SEPTIN2: variants seen among roughly 807,000 people sequenced by gnomAD.
The protein encoded by SEPTIN2 is septin 2, also known as septin-2.
SEPTIN2 carries 34 observed loss-of-function variants against 46.5 expected under a neutral mutation model. The ratio of observed to expected loss-of-function variants is 0.73; its 90% CI spans 0.56 to 0.97. The LOEUF (loss-of-function observed/expected upper bound fraction) is 0.97. Among genes scored for constraint, SEPTIN2 ranks in the 50% least tolerant of loss-of-function variants. The probability of loss-of-function intolerance (pLI) is 0.00; values close to 1 mark genes in which losing one functional copy is unlikely to be tolerated. For missense variants in SEPTIN2, 347 were observed against 448.4 expected (o/e 0.77, Z 2.04); for synonymous variants, 175 against 153.4 (o/e 1.14, Z -1.04).
intron 1 of SEPTIN2, among the ~76,000 whole-genome samples, chr2:241,321,381 T>C (rs2149839107): frequency 6.6e-6 from 1 of 152,352 alleles, no homozygotes; most frequent in South Asian, 2.1e-4. Context: ...TTGTTTCTTT[T>C]ATCATTATAG....
chr2:241,317,051 C>G (rs1300954257), intron 1 of SEPTIN2: 1 of 152,578 alleles, frequency 6.6e-6, no homozygotes, highest in Non-Finnish European at 1.5e-5. Flanking sequence ...TTCTCAAATA[C>G]TTTTTGAATC....
intron 9 of SEPTIN2, 100 bp downstream of exon 9, chr2:241,343,997 G>A: frequency 7.3e-7 from 1 of 1,373,876 alleles, no homozygotes; most frequent in Non-Finnish European, 1.0e-6. Flanking sequence ...GCAGCCAGCA[G>A]CTTCATTGCC....
chr2:241,346,991 T>A (rs1381160425), intron 10 of SEPTIN2, among the ~76,000 whole-genome samples: 1 of 152,216 alleles, frequency 6.6e-6, no homozygotes, highest in African/African-American at 2.4e-5. Flanking sequence ...ACCATTCTAA[T>A]ATGTTTTTAT....
intron 7 of SEPTIN2, among the ~76,000 whole-genome samples, chr2:241,338,831 T>TATATATTATATTTATATTATATATA (rs1264517417): frequency 4.5e-4 from 45 of 99,316 alleles, no homozygotes; most frequent in African/African-American, 2.1e-3. Flanking sequence ...TTATATATAA[T>TATATATTATATTTATATTATATATA]ATATATAATA....
Position 241,323,160 on chromosome 2 carries a change from C to T in SEPTIN2, c.-17-1056C>T, listed in dbSNP as rs557049426. Among the ~76,000 whole-genome samples, 500 of 151,528 alleles carry T rather than the reference C, an allele frequency of 3.3e-3. 1 individual carries two copies. Among genetic ancestry groups the T allele is most frequent in the African/African-American group, 9.9e-3 (407 of 41,278 alleles). ...GGATTACAGGCGTCAGCCACTGCAC[C>T]CAGCCACCATCTAATTTTTTTTTTT... On this transcript the variant is annotated intron_variant, in intron 1 of 12. Transcript: ENST00000391971.
intron 3 of SEPTIN2, among the ~76,000 whole-genome samples, chr2:241,328,866 C>CA (rs146533974): frequency 0.022 from 3,383 of 151,446 alleles, 49 homozygotes; most frequent in Non-Finnish European, 0.04. Context: ...AGTAAAAATA[C>CA]AAAATTAGCC....
intron 2 of SEPTIN2, among the ~76,000 whole-genome samples, chr2:241,325,764 T>C (rs1253794852): frequency 6.6e-6 from 1 of 152,216 alleles, no homozygotes; most frequent in Non-Finnish European, 1.5e-5. Context: ...ATGTTAATTT[T>C]CAGTCGCATA....
chr2:241,325,935 A>T lies in SEPTIN2; in HGVS notation c.10-58A>T. 2.0e-6 allele frequency: 3 copies of T among 1,514,828 alleles called. No homozygotes were observed. In the South Asian group the frequency reaches 3.7e-5, roughly 19 times the overall value. 93.8% of individuals were successfully genotyped at this position (1,514,828 alleles called of 1,614,324 possible). A position where few individuals can be genotyped will look rare whatever the true frequency, so the allele number is the denominator to read the frequency against. ...GTTTGTTTCATGTCTAACTGATTAT[A>T]TCTTAAAAGCAACTACTAAGGTGTT... On this transcript the variant is annotated intron_variant, in intron 2 of 12. Coordinates refer to ENST00000391971, the MANE Select transcript of SEPTIN2 (RefSeq NM_004404.5).
At chr2:241,340,026 T>G (rs1216348707) in intron 7 of SEPTIN2, among the ~76,000 whole-genome samples, 1 of 152,236 alleles carries the variant, frequency 6.6e-6, no homozygotes, top group African/African-American at 2.4e-5. Context: ...TTTTCACAAT[T>G]GTGTGAGCCA....
chr2:241,332,591 TC>T (rs1350371846), intron 3 of SEPTIN2, among the ~76,000 whole-genome samples: 4 of 152,232 alleles, frequency 2.6e-5, no homozygotes, highest in African/African-American at 9.6e-5. Context: ...GTTTGGTACT[TC>T]CTTAACAGTT....
rs1398358380 is a variant in SEPTIN2, at chr2:241,352,570, A to C, written c.*633A>C. 6.6e-6 allele frequency: 1 copy of C among 152,626 alleles called. No homozygotes were observed. Among genetic ancestry groups the C allele is most frequent in the African/African-American group, 2.4e-5 (1 of 41,458 alleles). 9.5% of individuals were successfully genotyped at this position (152,626 alleles called of 1,614,324 possible). On this transcript the variant is annotated 3_prime_UTR_variant, in exon 13 of 13. Coordinates refer to ENST00000391971, the MANE Select transcript of SEPTIN2 (RefSeq NM_004404.5). Reference sequence around the variant, plus strand: ...GAATTTCCTAATGAGATATATCTTTATACTTAAACAGCTTTTTTAGAGGTG... The same window carrying C: ...GAATTTCCTAATGAGATATATCTTTCTACTTAAACAGCTTTTTTAGAGGTG...
intron 1 of SEPTIN2, among the ~76,000 whole-genome samples, chr2:241,318,937 A>G (rs2149813347): frequency 6.6e-6 from 1 of 152,150 alleles, no homozygotes; most frequent in South Asian, 2.1e-4. Flanking sequence ...ACCTCGTGAT[A>G]TGCCCGTCTT....
chr2:241,324,371 A>T, intron 2 of SEPTIN2, 130 bp downstream of exon 2: 1 of 745,612 alleles, frequency 1.3e-6, no homozygotes, highest in Non-Finnish European at 2.2e-6. Context: ...TAACACAAAG[A>T]GTTCTAATTT....
At chr2:241,317,535 A>ATTTT (rs750805176) in intron 1 of SEPTIN2, 1 of 950,584 alleles carries the variant, frequency 1.1e-6, no homozygotes, top group South Asian at 4.9e-5. Flanking sequence ...AGTTGTGGGT[A>ATTTT]TTTTTTTTTT....
intron 11 of SEPTIN2, among the ~76,000 whole-genome samples, chr2:241,348,597 T>TA (rs1434377451): frequency 6.6e-6 from 1 of 152,180 alleles, no homozygotes; most frequent in Non-Finnish European, 1.5e-5. Flanking sequence ...GTAATTAACT[T>TA]AAAGTTTATA....
intron 1 of SEPTIN2, 100 bp from the exon 2 acceptor site, chr2:241,324,116 A>G (rs1012349065): frequency 9.4e-7 from 1 of 1,065,806 alleles, no homozygotes. Flanking sequence ...ATGTATGTGT[A>G]AGTCTTCTTC....
intron 3 of SEPTIN2, 42 bp from the exon 4 acceptor site, chr2:241,335,084 A>G (rs1488130076): frequency 7.2e-7 from 1 of 1,385,024 alleles, no homozygotes; most frequent in Non-Finnish European, 1.0e-6. Flanking sequence ...GAATGGTGTC[A>G]TATGAATAAG....
rs1266686217 is a variant in SEPTIN2, at chr2:241,352,527, A to G, written c.*590A>G. 1 of 152,666 alleles carries G rather than the reference A, an allele frequency of 6.6e-6. No individual in the cohort carries two copies. The highest frequency in any genetic ancestry group is 1.5e-5 in the Non-Finnish European group (1 of 68,046). 9.5% of individuals were successfully genotyped at this position (152,666 alleles called of 1,614,324 possible). On this transcript the variant is annotated 3_prime_UTR_variant, in exon 13 of 13. Coordinates refer to ENST00000391971, the MANE Select transcript of SEPTIN2 (RefSeq NM_004404.5). The stretch of plus-strand genomic sequence containing the variant: ...GATTCGTCTGCGATTTTATCTGTTA[A>G]CCAAATAAAACATAATAGAATTTCC...
chr2:241,323,510 G>A (rs949480028), intron 1 of SEPTIN2, among the ~76,000 whole-genome samples: 1 of 151,920 alleles, frequency 6.6e-6, no homozygotes, highest in Non-Finnish European at 1.5e-5. Flanking sequence ...TGCCTACCTC[G>A]GCCTCCCAAA....
Sources: allele counts gnomAD v4.1 joint callset (sites outside exome capture counted in the v4.1 genomes callset), GRCh38; gene constraint gnomAD v4.1.1; transcripts MANE v1.5; gene names NCBI Gene and HGNC (gene_info 2026-07-23, HGNC 2026-07-21).